The following MDGA2 variants were observed in gnomAD, a reference collection of about 807,000 sequenced individuals.
MDGA2 encodes MAM domain-containing glycosylphosphatidylinositol anchor protein 2.
A neutral mutation model predicts 117.8 loss-of-function variants in MDGA2; 40 were observed. The ratio of observed to expected loss-of-function variants is 0.34; its 90% CI spans 0.26 to 0.44. The LOEUF is 0.44. MDGA2 is among the 20% of genes least tolerant of loss of function. The pLI, the probability that MDGA2 is intolerant of heterozygous loss-of-function variation, is 1.00. For missense variants in MDGA2, 1,123 were observed against 1,250.6 expected (o/e 0.90, Z 1.54); for synonymous variants, 452 against 439.0 (o/e 1.03, Z -0.37).
intron 10 of MDGA2, among the ~76,000 whole-genome samples, chr14:46,918,455 T>A (rs1389946907): frequency 6.6e-6 from 1 of 152,160 alleles, no homozygotes; most frequent in African/African-American, 2.4e-5. Context: ...GAACTGCTAA[T>A]TTGTTTTGTT....
At chr14:47,409,472 TC>T in intron 1 of MDGA2, among the ~76,000 whole-genome samples, 1 of 152,328 alleles carries the variant, frequency 6.6e-6, no homozygotes, top group South Asian at 2.1e-4. Context: ...TTGTCTGAAA[TC>T]ATCTGTTTAC....
intron 1 of MDGA2, among the ~76,000 whole-genome samples, chr14:47,630,717 C>T (rs1269347338): frequency 6.6e-6 from 1 of 152,172 alleles, no homozygotes; most frequent in Non-Finnish European, 1.5e-5. Flanking sequence ...AGTATCTATT[C>T]TCTACCTGTT....
chr14:47,466,670 TC>T (rs1187375014), intron 1 of MDGA2, among the ~76,000 whole-genome samples: 3 of 152,136 alleles, frequency 2.0e-5, no homozygotes, highest in Non-Finnish European at 4.4e-5. Flanking sequence ...GGGATACCTT[TC>T]AAGAGGACTG....
intron 1 of MDGA2, among the ~76,000 whole-genome samples, chr14:47,529,281 C>T (rs892375400): frequency 1.3e-5 from 2 of 152,074 alleles, no homozygotes; most frequent in Non-Finnish European, 2.9e-5. Context: ...AAATCATAGA[C>T]AGATATCAAC....
chr14:47,087,460 C>CAAAAAAAAAA (rs749371957), intron 6 of MDGA2, among the ~76,000 whole-genome samples: 28 of 67,958 alleles, frequency 4.1e-4, no homozygotes, highest in African/African-American at 9.3e-4. Context: ...GACTCCACAT[C>CAAAAAAAAAA]AAAAAAAAAA....
rs1013152603 is a variant in MDGA2 at position 47,247,622 on chromosome 14, T to C, written c.421-29427A>G. ...CCAGACTAGTTTCAGATGTTTAACA[T>C]CAGTACATATTTATTATTATTATTA... On this transcript the variant is annotated intron_variant, in intron 2 of 16. Coordinates refer to ENST00000399232, the MANE Select transcript of MDGA2 (RefSeq NM_001113498.3). Among the ~76,000 whole-genome samples, 4 of 126,530 alleles carry C rather than the reference T, an allele frequency of 3.2e-5. 2 individuals carry two copies. The highest frequency in any genetic ancestry group is 6.7e-5 in the Non-Finnish European group (4 of 60,102). 83.0% of individuals were successfully genotyped at this position (126,530 alleles called of 152,430 possible). A position where few individuals can be genotyped will look rare whatever the true frequency, so the allele number is the denominator to read the frequency against.
intron 5 of MDGA2, among the ~76,000 whole-genome samples, chr14:47,128,900 A>G (rs1282032492): frequency 6.6e-6 from 1 of 151,956 alleles, no homozygotes; most frequent in African/African-American, 2.4e-5. Context: ...TGTGTTAGCC[A>G]GGATGGTCTC....
At chr14:46,962,921 G>A (rs1268363231) in intron 8 of MDGA2, among the ~76,000 whole-genome samples, 1 of 152,182 alleles carries the variant, frequency 6.6e-6, no homozygotes, top group Non-Finnish European at 1.5e-5. Flanking sequence ...GGGATCTAGA[G>A]TGTTGTGTTA....
At chr14:47,646,905 A>G (rs773671100) in intron 1 of MDGA2, among the ~76,000 whole-genome samples, 2 of 152,186 alleles carry the variant, frequency 1.3e-5, no homozygotes, top group African/African-American at 2.4e-5. Context: ...TGTGTGATTA[A>G]TATCTCTGCT....
chr14:47,238,825 T>G (rs983995978), intron 2 of MDGA2, among the ~76,000 whole-genome samples: 1 of 151,664 alleles, frequency 6.6e-6, no homozygotes, highest in Non-Finnish European at 1.5e-5. Flanking sequence ...AAATACACTG[T>G]TTTTAGTAAA....
At chr14:46,927,327 C>A (rs1884370182) in intron 9 of MDGA2, among the ~76,000 whole-genome samples, 1 of 151,818 alleles carries the variant, frequency 6.6e-6, no homozygotes, top group African/African-American at 2.4e-5. Flanking sequence ...GAATTATTAC[C>A]AATTTGATGG....
chr14:47,168,757 GTTAAA>G (rs530993436), intron 3 of MDGA2, among the ~76,000 whole-genome samples: 1 of 151,952 alleles, frequency 6.6e-6, no homozygotes, highest in African/African-American at 2.4e-5. Flanking sequence ...ACATTTATAT[GTTAAA>G]TTAAAGAAGC....
intron 6 of MDGA2, among the ~76,000 whole-genome samples, chr14:47,079,929 C>G (rs182711580): frequency 6.6e-6 from 1 of 151,940 alleles, no homozygotes; most frequent in Non-Finnish European, 1.5e-5. Flanking sequence ...GACGGGGTTT[C>G]ACCGTGTTAG....
chr14:47,120,689 C>A (rs1881604802), intron 5 of MDGA2, among the ~76,000 whole-genome samples: 2 of 152,116 alleles, frequency 1.3e-5, no homozygotes, highest in African/African-American at 4.8e-5. Context: ...AAAGTACATG[C>A]TGCATCCAGA....
intron 1 of MDGA2, among the ~76,000 whole-genome samples, chr14:47,561,160 T>C: frequency 1.1e-5 from 1 of 88,794 alleles, no homozygotes; most frequent in Non-Finnish European, 2.3e-5. Flanking sequence ...TTTGTTTTGT[T>C]TTGTTTTTTT....
intron 2 of MDGA2, among the ~76,000 whole-genome samples, chr14:47,252,522 T>A (rs753622695): frequency 4.6e-5 from 7 of 152,172 alleles, no homozygotes; most frequent in Admixed American, 3.3e-4. Context: ...GGTTTAAAAC[T>A]ATGCAAGAAA....
intron 6 of MDGA2, among the ~76,000 whole-genome samples, chr14:47,076,705 A>C (rs1890509885): frequency 6.6e-6 from 1 of 152,036 alleles, no homozygotes; most frequent in Non-Finnish European, 1.5e-5. Flanking sequence ...ATGCACCTTT[A>C]TTTGGAAGTC....
chr14:47,324,598 T>C (rs1890086877), intron 1 of MDGA2, among the ~76,000 whole-genome samples: 1 of 152,194 alleles, frequency 6.6e-6, no homozygotes, highest in Admixed American at 6.5e-5. Context: ...TTTCCCATCT[T>C]AGTTTCCTTG....
At chr14:47,311,785 A>G (rs1257451294) in intron 1 of MDGA2, among the ~76,000 whole-genome samples, 3 of 152,082 alleles carry the variant, frequency 2.0e-5, no homozygotes, top group Non-Finnish European at 4.4e-5. Context: ...AAGGTTTGTG[A>G]ATTGCCAAAG....
Sources: allele counts gnomAD v4.1 joint callset (sites outside exome capture counted in the v4.1 genomes callset), GRCh38; gene constraint gnomAD v4.1.1; transcripts MANE v1.5; gene names NCBI Gene and HGNC (gene_info 2026-07-23, HGNC 2026-07-21).